The following AUH variants were observed in gnomAD, a reference collection of about 807,000 sequenced individuals.
AUH encodes the protein AU RNA binding methylglutaconyl-CoA hydratase.
Under a neutral mutation model 42.3 loss-of-function variants are expected in AUH, and 29 were observed. That is an observed-to-expected ratio of 0.69 (90% confidence interval 0.51 to 0.93). The LOEUF (loss-of-function observed/expected upper bound fraction) is 0.93. Ranked by LOEUF, AUH falls within the 40% of genes least tolerant of loss-of-function variation. The probability of loss-of-function intolerance (pLI) is 0.00; values close to 1 mark genes in which losing one functional copy is unlikely to be tolerated. For missense variants in AUH, 452 were observed against 438.1 expected (o/e 1.03, Z -0.28); for synonymous variants, 174 against 166.4 (o/e 1.05, Z -0.35).
intron 6 of AUH, among the ~76,000 whole-genome samples, chr9:91,249,296 A>AAAAAAAAAAAAAAAG: frequency 2.3e-4 from 22 of 95,950 alleles, no homozygotes; most frequent in Non-Finnish European, 3.5e-4. Context: ...CTGTCTCAAA[A>AAAAAAAAAAAAAAAG]AAAAAAAAAA....
At chr9:91,276,115 C>A (rs1825518387) in intron 6 of AUH, among the ~76,000 whole-genome samples, 1 of 152,060 alleles carries the variant, frequency 6.6e-6, no homozygotes, top group Non-Finnish European at 1.5e-5. Flanking sequence ...ATATTATCTG[C>A]ATTTCAAAAT....
chr9:91,359,329 ACCTT>A (rs1832676718), intron 1 of AUH, among the ~76,000 whole-genome samples: 1 of 151,752 alleles, frequency 6.6e-6, no homozygotes, highest in African/African-American at 2.4e-5. Flanking sequence ...ATGTAATGTA[ACCTT>A]CCAGAAAATG....
intron 7 of AUH, among the ~76,000 whole-genome samples, chr9:91,219,343 AC>A (rs1426811074): frequency 6.6e-6 from 1 of 152,052 alleles, no homozygotes; most frequent in Non-Finnish European, 1.5e-5. Context: ...TCTTAAACAC[AC>A]CCCTTTCTTT....
chr9:91,248,595 T>C (rs1432966672), intron 6 of AUH, among the ~76,000 whole-genome samples: 2 of 152,222 alleles, frequency 1.3e-5, no homozygotes, highest in African/African-American at 2.4e-5. Flanking sequence ...TTTAAATAAC[T>C]AGTACGTAAA....
intron 6 of AUH, among the ~76,000 whole-genome samples, chr9:91,226,247 C>T (rs1442932802): frequency 6.6e-6 from 1 of 151,604 alleles, no homozygotes; most frequent in Non-Finnish European, 1.5e-5. Context: ...GCCATTCTAA[C>T]TGGTGTAAGA....
chr9:91,259,883 GTTC>G (rs1296936685), intron 6 of AUH, among the ~76,000 whole-genome samples: 3 of 152,126 alleles, frequency 2.0e-5, no homozygotes, highest in African/African-American at 7.2e-5. Context: ...CGTGAATTCT[GTTC>G]TTCTGTTGAG....
intron 3 of AUH, among the ~76,000 whole-genome samples, chr9:91,354,180 C>A (rs1282709074): frequency 2.0e-5 from 3 of 150,246 alleles, no homozygotes; most frequent in Admixed American, 6.7e-5. Flanking sequence ...AAAAAAAAAA[C>A]AAGAAAGGAA....
intron 6 of AUH, among the ~76,000 whole-genome samples, chr9:91,244,500 A>G (rs1437718315): frequency 2.6e-5 from 4 of 152,248 alleles, no homozygotes; most frequent in Non-Finnish European, 5.9e-5. Flanking sequence ...TTCATATTTC[A>G]AAACATTTTA....
chr9:91,226,628 T>C (rs1337875106), intron 6 of AUH, among the ~76,000 whole-genome samples: 7 of 116,752 alleles, frequency 6.0e-5, no homozygotes, highest in African/African-American at 2.2e-4. Flanking sequence ...TCCTTGCCCA[T>C]GCCTATGTCC....
At chr9:91,349,705 G>C (rs73651422) in intron 3 of AUH, among the ~76,000 whole-genome samples, 162 of 147,824 alleles carry the variant, frequency 1.1e-3, no homozygotes, top group Middle Eastern at 7.0e-3. Context: ...CACACACACA[G>C]AGAGAAGAGA....
chr9:91,235,363 G>A (rs1828117659), intron 6 of AUH, among the ~76,000 whole-genome samples: 1 of 152,150 alleles, frequency 6.6e-6, no homozygotes, highest in East Asian at 1.9e-4. Flanking sequence ...TGGATGCTGG[G>A]AGAAAGGAAA....
At chr9:91,249,681 T>A (rs1224398254) in intron 6 of AUH, among the ~76,000 whole-genome samples, 1 of 152,208 alleles carries the variant, frequency 6.6e-6, no homozygotes, top group Non-Finnish European at 1.5e-5. Flanking sequence ...ACTGTTTGTG[T>A]TCATTTTAAA....
At chr9:91,259,899 C>T (rs1829618816) in intron 6 of AUH, among the ~76,000 whole-genome samples, 1 of 152,044 alleles carries the variant, frequency 6.6e-6, no homozygotes, top group Admixed American at 6.5e-5. Flanking sequence ...CTGTTGAGTT[C>T]TCCGAAAATG....
intron 6 of AUH, among the ~76,000 whole-genome samples, chr9:91,241,083 T>C (rs983279724): frequency 6.6e-6 from 1 of 152,178 alleles, no homozygotes; most frequent in African/African-American, 2.4e-5. Flanking sequence ...TACAATACAG[T>C]TGCTCAACAT....
chr9:91,342,994 C>T (rs552913815), intron 3 of AUH: 1 of 152,294 alleles, frequency 6.6e-6, no homozygotes, highest in East Asian at 1.9e-4. Context: ...TTCTTAGTAA[C>T]ATTTTCTTTT....
chr9:91,329,758 A>T (rs1301280767), intron 3 of AUH, among the ~76,000 whole-genome samples: 1 of 152,130 alleles, frequency 6.6e-6, no homozygotes, highest in African/African-American at 2.4e-5. Flanking sequence ...CAAAATTATA[A>T]ATTTTTATCA....
intron 3 of AUH, 99 bp downstream of exon 3, chr9:91,355,784 A>T: frequency 9.7e-7 from 1 of 1,033,518 alleles, no homozygotes; most frequent in Non-Finnish European, 1.5e-6. Context: ...AGTTGTTGGT[A>T]ATGGGGTTCA....
intron 3 of AUH, chr9:91,342,942 A>G (rs1831214373): frequency 6.6e-6 from 1 of 152,170 alleles, no homozygotes; most frequent in Non-Finnish European, 1.5e-5. Flanking sequence ...GTGATGACCC[A>G]CTTCCACTTG....
intron 6 of AUH, among the ~76,000 whole-genome samples, chr9:91,275,349 C>A (rs1361480646): frequency 6.6e-6 from 1 of 152,170 alleles, no homozygotes; most frequent in African/African-American, 2.4e-5. Flanking sequence ...TTTTGAAACA[C>A]TGATGTGATA....
Sources: gnomAD v4.1 joint callset for allele counts (sites outside exome capture counted in the v4.1 genomes callset) on GRCh38, gnomAD v4.1.1 for gene constraint, MANE v1.5 for transcripts, NCBI Gene and HGNC (gene_info 2026-07-23, HGNC 2026-07-21) for gene names.